The following PUM1 variants were observed in gnomAD, a reference collection of about 807,000 sequenced individuals.
The protein encoded by PUM1 is pumilio homolog 1.
Under a neutral mutation model 131.8 loss-of-function variants are expected in PUM1, and 13 were observed. The ratio of observed to expected loss-of-function variants is 0.10; its 90% CI spans 0.06 to 0.16. The LOEUF (loss-of-function observed/expected upper bound fraction) is 0.16, where lower values mean the gene tolerates loss of function less well. Ranked by LOEUF, PUM1 falls within the 10% of genes least tolerant of loss-of-function variation. The pLI, the probability that PUM1 is intolerant of heterozygous loss-of-function variation, is 1.00. For missense variants in PUM1, 961 were observed against 1,512.4 expected, an observed-to-expected ratio of 0.64 and a Z score of 6.05; for synonymous variants, 509 against 556.5, an observed-to-expected ratio of 0.91 and a Z score of 1.20.
intron 3 of PUM1, among the ~76,000 whole-genome samples, chr1:31,020,341 A>G (rs1450558366): frequency 6.6e-6 from 1 of 152,204 alleles, no homozygotes; most frequent in Non-Finnish European, 1.5e-5. Flanking sequence ...GCTATTGTGA[A>G]TAGTGCTGCA....
intron 3 of PUM1, among the ~76,000 whole-genome samples, chr1:31,017,482 T>C (rs1226323621): frequency 1.3e-5 from 2 of 152,136 alleles, no homozygotes. Context: ...TTCATACACT[T>C]GCTTAAAACA....
At chr1:30,952,823 T>C (rs1353361842) in intron 15 of PUM1, among the ~76,000 whole-genome samples, 1 of 151,906 alleles carries the variant, frequency 6.6e-6, no homozygotes, top group Non-Finnish European at 1.5e-5. Flanking sequence ...GTCCTTACTA[T>C]ATTCTTTAAC....
chr1:30,979,337 T>C (rs1040026063), intron 9 of PUM1, among the ~76,000 whole-genome samples: 9 of 152,142 alleles, frequency 5.9e-5, no homozygotes, highest in African/African-American at 2.2e-4. Context: ...ACTGCTACAA[T>C]GTATGGTGTT....
intron 2 of PUM1, among the ~76,000 whole-genome samples, chr1:31,031,396 G>GTGTA (rs1383911207): frequency 6.6e-6 from 1 of 152,150 alleles, no homozygotes; most frequent in Non-Finnish European, 1.5e-5. Flanking sequence ...AGTATGCACT[G>GTGTA]TGTATATTTA....
chr1:31,030,709 GAAA>G (rs11307831), intron 2 of PUM1, among the ~76,000 whole-genome samples: 1 of 146,446 alleles, frequency 6.8e-6, no homozygotes. Context: ...ACAGTGTCCG[GAAA>G]AAAAAAAAAG....
chr1:30,992,321 T>C (rs985288518), intron 7 of PUM1, 69 bp downstream of exon 7: 1 of 1,558,600 alleles, frequency 6.4e-7, no homozygotes, highest in African/African-American at 1.4e-5. Context: ...CATCCCCCCA[T>C]TCTTAATTAC....
intron 16 of PUM1, among the ~76,000 whole-genome samples, chr1:30,951,636 C>A (rs1184530290): frequency 6.6e-6 from 1 of 151,280 alleles, no homozygotes; most frequent in African/African-American, 2.4e-5. Context: ...CCCTGCCTCT[C>A]TGAAATTTTA....
chr1:30,952,466 G>C, intron 15 of PUM1, 103 bp from the exon 16 acceptor site: 2 of 1,547,224 alleles, frequency 1.3e-6, no homozygotes, highest in Non-Finnish European at 1.8e-6. Context: ...AAACATGTGA[G>C]TGAGCATGTG....
intron 14 of PUM1, 114 bp from the exon 15 acceptor site, chr1:30,954,095 G>T: frequency 1.8e-6 from 2 of 1,139,434 alleles, no homozygotes; most frequent in Non-Finnish European, 2.5e-6. Flanking sequence ...CTTCAATGCT[G>T]TTGTTTTTGT....
intron 5 of PUM1, among the ~76,000 whole-genome samples, chr1:31,002,966 A>G (rs978180946): frequency 6.6e-6 from 1 of 152,364 alleles, no homozygotes; most frequent in East Asian, 1.9e-4. Flanking sequence ...AAAACACTAC[A>G]TAGAGATTTA....
At position 30,998,995 on chromosome 1, in the gene PUM1, GT is replaced by G. The variant is rs938989539; in HGVS notation, c.721-3776del. On this transcript the variant is annotated intron_variant, in intron 5 of 21. Coordinates refer to ENST00000426105, the MANE Select transcript of PUM1 (RefSeq NM_001020658.2). ...CTATTCATAGCTGTGTGGTGTTTTT[GT>G]TTTTGTTTTTGTTTTTGTTTTTGAG... Among the ~76,000 whole-genome samples the G allele has an allele frequency of 8.6e-5, 13 of 151,290 alleles. 1 individual carries two copies. The highest frequency in any genetic ancestry group is 2.9e-4 in the African/African-American group (12 of 40,790).
At chr1:30,942,233 A>ATATATG (rs1639481927) in intron 18 of PUM1, 110 bp from the exon 19 acceptor site, 1 of 163,910 alleles carries the variant, frequency 6.1e-6, no homozygotes, top group African/African-American at 3.3e-5. Flanking sequence ...ATATATATAT[A>ATATATG]TATGTATTAT....
At chr1:31,028,550 C>A (rs980793818) in intron 3 of PUM1, among the ~76,000 whole-genome samples, 2 of 152,136 alleles carry the variant, frequency 1.3e-5, no homozygotes, top group African/African-American at 4.8e-5. Context: ...CATTAATATT[C>A]AATAATTTGT....
intron 16 of PUM1, among the ~76,000 whole-genome samples, chr1:30,950,677 T>C (rs1342256665): frequency 6.6e-6 from 1 of 152,218 alleles, no homozygotes; most frequent in East Asian, 1.9e-4. Flanking sequence ...CTCGCCAACA[T>C]GGCAAAATCC....
rs1023249453 is a variant in PUM1, at chr1:31,030,194, G to A, written c.364-1330C>T. ...ATTGCACTCCAGCCTGGGTGACAGA[G>A]CGAGATTCTGTCTCAAAAAAAAACA... On this transcript the variant is annotated intron_variant, in intron 2 of 21. Transcript: ENST00000426105. Among the ~76,000 whole-genome samples the A allele has an allele frequency of 2.4e-4, 37 of 151,816 alleles. 1 individual carries two copies. The highest frequency in any genetic ancestry group is 8.2e-4 in the African/African-American group (34 of 41,254).
intron 14 of PUM1, 129 bp from the exon 15 acceptor site, chr1:30,954,110 A>G (rs553171073): frequency 7.0e-6 from 7 of 999,602 alleles, no homozygotes; most frequent in African/African-American, 1.6e-5. Flanking sequence ...TTTTGTGTCA[A>G]GACAATTCTA....
chr1:30,948,561 G>A (rs1639779178), intron 17 of PUM1, among the ~76,000 whole-genome samples: 1 of 152,068 alleles, frequency 6.6e-6, no homozygotes, highest in South Asian at 2.1e-4. Flanking sequence ...GACCAGCCTG[G>A]GCAACGTGGT....
intron 1 of PUM1, among the ~76,000 whole-genome samples, chr1:31,060,198 T>C (rs920083553): frequency 3.4e-5 from 5 of 146,600 alleles, no homozygotes; most frequent in Admixed American, 1.4e-4. Flanking sequence ...TGGTGGCTCA[T>C]GCCTGTAATC....
chr1:30,980,190 A>G (rs761197976), intron 8 of PUM1, 27 bp from the exon 9 acceptor site: 1 of 1,583,174 alleles, frequency 6.3e-7, no homozygotes, highest in East Asian at 2.2e-5. Flanking sequence ...TGTCAGTAAA[A>G]ACAAACTTGA....
Sources: allele counts gnomAD v4.1 joint callset (sites outside exome capture counted in the v4.1 genomes callset), GRCh38; gene constraint gnomAD v4.1.1; transcripts MANE v1.5; gene names NCBI Gene and HGNC (gene_info 2026-07-23, HGNC 2026-07-21).